The following EEA1 variants were observed in gnomAD, a reference collection of about 807,000 sequenced individuals.
EEA1 encodes the protein early endosome antigen 1, 162kD.
A neutral mutation model predicts 209.2 loss-of-function variants in EEA1; 111 were observed. The observed-to-expected ratio is 0.53, with a 90% confidence interval of 0.45 to 0.62. The LOEUF is 0.62. Among genes scored for constraint, EEA1 ranks in the 20% least tolerant of loss-of-function variants. The pLI is 0.00. For missense variants in EEA1, 1,343 were observed against 1,530.8 expected (o/e 0.88, Z 2.05); for synonymous variants, 536 against 540.6 (o/e 0.99, Z 0.12).
intron 5 of EEA1, among the ~76,000 whole-genome samples, chr12:92,854,614 C>T (rs551836102): frequency 3.3e-5 from 5 of 152,308 alleles, no homozygotes; most frequent in African/African-American, 9.6e-5. Flanking sequence ...GCAGGCTGCA[C>T]TTTTTCAGCT....
chr12:92,827,220 A>C (rs996498479), intron 12 of EEA1, among the ~76,000 whole-genome samples: 3 of 152,100 alleles, frequency 2.0e-5, no homozygotes, highest in Admixed American at 6.5e-5. Flanking sequence ...AGCTGGGCGT[A>C]GTGGCGCACA....
intron 18 of EEA1, 51 bp from the exon 19 acceptor site, chr12:92,802,785 T>C: frequency 7.5e-7 from 1 of 1,342,094 alleles, no homozygotes; most frequent in South Asian, 1.5e-5. Context: ...TTACCACTTC[T>C]AATTTACCAT....
chr12:92,922,045 A>G (rs1049068329), intron 1 of EEA1, among the ~76,000 whole-genome samples: 5 of 152,022 alleles, frequency 3.3e-5, no homozygotes, highest in African/African-American at 1.2e-4. Context: ...TGAAACTGAA[A>G]TAGGTATGAC....
In EEA1 at chr12:92,879,112, C is replaced by T. The variant is rs561544111; in HGVS notation, c.117+12517G>A. Reference sequence around the variant, plus strand: ...ATCCCTCATGACCAAATGAAAAGGTCCCCCAAAAATACATAAACAAATGAA... The same window carrying T: ...ATCCCTCATGACCAAATGAAAAGGTTCCCCAAAAATACATAAACAAATGAA... On this transcript the variant is annotated intron_variant, in intron 2 of 28. Transcript: ENST00000322349. The T allele has an allele frequency of 2.4e-5, 5 of 205,056 alleles. No homozygotes were observed. In the South Asian group the frequency reaches 3.2e-4, roughly 13 times the overall value. 12.7% of individuals were successfully genotyped at this position (205,056 alleles called of 1,614,324 possible).
chr12:92,801,506 GC>G (rs1372558289), intron 20 of EEA1, 93 bp downstream of exon 20: 10 of 746,362 alleles, frequency 1.3e-5, no homozygotes, highest in African/African-American at 1.9e-5. Flanking sequence ...CTGTGGAAAT[GC>G]CCCCAAGAAC....
chr12:92,864,869 G>A lies in EEA1; in HGVS notation c.236C>T (p.Ala79Val), dbSNP rs775446304. 1.3e-6 allele frequency: 2 copies of A among 1,595,734 alleles called. 1 individual carries two copies. Among genetic ancestry groups the A allele is most frequent in the South Asian group, 2.3e-5 (2 of 86,432 alleles). Residue 79 changes from alanine (A) to valine (V), a missense_variant, in exon 3 of 29, where the codon GCT (alanine) becomes GTT (valine). Physicochemically the swap from Ala to Val is moderately conservative, Grantham distance 64. Coordinates refer to ENST00000322349, the MANE Select transcript of EEA1 (RefSeq NM_003566.4). ...DSGHGGESNL[A>V]LKRDDVTLLR... is the part of the protein sequence containing the mutation. ...AATTATCATACCGTACCGCTTCAAA[G>A]CAAGATTAGACTCTCCTCCATGACC...
At position 92,826,337 on chromosome 12, in the gene EEA1, T is replaced by C. The variant is rs189110310; in HGVS notation, c.1405-52A>G. 852 of 1,518,732 alleles carry C rather than the reference T, an allele frequency of 5.6e-4. 2 individuals are homozygous for C. In the African/African-American group the frequency reaches 0.01, roughly 19 times the overall value. The allele number at this position is 1,518,732 out of a possible 1,614,324, so 94.1% of individuals were successfully genotyped here. ...AGAACTTAAAGGCATAATGCTATCA[T>C]TCATAAGTATCTGGCATTACTTCAA... On this transcript the variant is annotated intron_variant, in intron 12 of 28. Transcript: ENST00000322349.
intron 16 of EEA1, 142 bp from the exon 17 acceptor site, chr12:92,811,576 A>T: frequency 2.0e-6 from 1 of 495,594 alleles, no homozygotes; most frequent in Non-Finnish European, 3.2e-6. Flanking sequence ...ATGATATATC[A>T]GAGGCTATAC....
Position 92,857,309 on chromosome 12 carries a change from T to A in EEA1, c.332A>T (p.Lys111Met). The change falls in exon 5 of 29, where the codon AAG becomes ATG. Residue 111 changes from lysine to methionine, a missense_variant. Coordinates refer to ENST00000322349, the MANE Select transcript of EEA1 (RefSeq NM_003566.4). ...EEKWYSEELK[K>M]ELEKYQGLQQ... is the part of the protein sequence containing the mutation. ...CAGCCCTTGATATTTTTCTAATTCC[T>A]TCTTTAATTCTTCCGAGTACCATTT... 1 of 1,593,350 alleles carries A rather than the reference T, an allele frequency of 6.3e-7. No individual in the cohort carries two copies. Among genetic ancestry groups the A allele is most frequent in the South Asian group, 1.2e-5 (1 of 85,882 alleles).
chr12:92,788,094 C>T (rs766128948), intron 21 of EEA1, 45 bp from the exon 22 acceptor site: 7 of 1,411,992 alleles, frequency 5.0e-6, no homozygotes, highest in East Asian at 5.1e-5. Context: ...ATTCCAAAAA[C>T]CAATTACAAA....
At chr12:92,908,014 A>T (rs950200190) in intron 1 of EEA1, among the ~76,000 whole-genome samples, 1 of 152,198 alleles carries the variant, frequency 6.6e-6, no homozygotes, top group Non-Finnish European at 1.5e-5. Context: ...ACTAAAACAG[A>T]TATTTGCACA....
In EEA1 at chr12:92,776,723, A is replaced by G. The variant is rs113540496; in HGVS notation, c.4113+121T>C. 2.3e-3 allele frequency: 2,129 copies of G among 912,888 alleles called. 31 individuals carry two copies. In the African/African-American group the frequency reaches 0.028, roughly 12 times the overall value. The allele number at this position is 912,888 out of a possible 1,614,324, so 56.5% of individuals were successfully genotyped here. A position where few individuals can be genotyped will look rare whatever the true frequency, so the allele number is the denominator to read the frequency against. ...CATGAAGTTATTCTATGTTGTTGTT[A>G]AAGTTTACTGATAAACAGAAAATTA... On this transcript the variant is annotated intron_variant, in intron 28 of 28. Transcript: ENST00000322349.
At chr12:92,901,214 TG>T (rs1391871915) in intron 1 of EEA1, among the ~76,000 whole-genome samples, 1 of 152,124 alleles carries the variant, frequency 6.6e-6, no homozygotes, top group Non-Finnish European at 1.5e-5. Flanking sequence ...AAAGAAATAT[TG>T]TACTTTTTTT....
intron 11 of EEA1, 28 bp downstream of exon 11, chr12:92,832,484 T>C (rs922053831): frequency 6.4e-7 from 1 of 1,567,760 alleles, no homozygotes; most frequent in Non-Finnish European, 8.6e-7. Flanking sequence ...GAGGGAGAAT[T>C]ACAATAAATA....
At chr12:92,801,858 A>G (rs1003414297) in intron 19 of EEA1, among the ~76,000 whole-genome samples, 157 bp from the exon 20 acceptor site, 1 of 152,044 alleles carries the variant, frequency 6.6e-6, no homozygotes, top group Admixed American at 6.5e-5. Flanking sequence ...AAAACTAGGA[A>G]AATATTACAG....
At chr12:92,883,293 CTGGATA>C (rs1879237066) in intron 2 of EEA1, among the ~76,000 whole-genome samples, 1 of 152,098 alleles carries the variant, frequency 6.6e-6, no homozygotes, top group Non-Finnish European at 1.5e-5. Context: ...CTTACAGATT[CTGGATA>C]TTAGACCTTT....
chr12:92,777,729 A>G (rs1873719105), intron 26 of EEA1, 66 bp from the exon 27 acceptor site: 1 of 1,473,400 alleles, frequency 6.8e-7, no homozygotes, highest in Non-Finnish European at 9.2e-7. Flanking sequence ...TCTAGGGTAT[A>G]GATAATGGAC....
chr12:92,788,980 T>A (rs1031515498), intron 21 of EEA1, among the ~76,000 whole-genome samples: 6 of 152,076 alleles, frequency 3.9e-5, no homozygotes, highest in Non-Finnish European at 7.4e-5. Flanking sequence ...TTTTAATCCA[T>A]ACACTCTCTC....
At chr12:92,869,706 T>C (rs1339567742) in intron 2 of EEA1, among the ~76,000 whole-genome samples, 1 of 116,106 alleles carries the variant, frequency 8.6e-6, no homozygotes, top group Non-Finnish European at 1.6e-5. Context: ...TGAGCCAAAA[T>C]TGCACCACTG....
Sources: allele counts gnomAD v4.1 joint callset (sites outside exome capture counted in the v4.1 genomes callset), GRCh38; gene constraint gnomAD v4.1.1; transcripts MANE v1.5; gene names NCBI Gene and HGNC (gene_info 2026-07-23, HGNC 2026-07-21).